Variants in WNT7B observed in about 807,000 individuals in gnomAD.
WNT7B encodes the protein protein Wnt-7b.
WNT7B carries 19 observed loss-of-function variants against 38.2 expected under a neutral mutation model. The ratio of observed to expected loss-of-function variants is 0.50; its 90% confidence interval spans 0.35 to 0.73. WNT7B has a LOEUF of 0.73. WNT7B is among the 30% of genes least tolerant of loss of function. The probability of loss-of-function intolerance (pLI) is 0.01; values close to 1 mark genes in which losing one functional copy is unlikely to be tolerated. For synonymous variants in WNT7B, 243 were observed against 209.3 expected, an observed-to-expected ratio of 1.16 and a Z score of -1.39; for missense variants, 423 against 507.9, an observed-to-expected ratio of 0.83 and a Z score of 1.61.
chr22:45,926,119 C>A, intron 3 of WNT7B: 1 of 985,416 alleles, frequency 1.0e-6, no homozygotes, highest in African/African-American at 1.7e-5. Flanking sequence ...GCTTGCAGAG[C>A]GAGGGGCCAC....
rs191557482 is a variant in WNT7B at position 45,975,860 on chromosome 22, C to T, written c.71+824G>A. The T allele has an allele frequency of 7.6e-6, 2 of 262,586 alleles. No homozygotes were observed. The highest frequency in any genetic ancestry group is 1.4e-5 in the Non-Finnish European group (2 of 141,242). 16.3% of individuals were successfully genotyped at this position (262,586 alleles called of 1,614,324 possible). A position where few individuals can be genotyped will look rare whatever the true frequency, so the allele number is the denominator to read the frequency against. On this transcript the variant is annotated intron_variant, in intron 1 of 3. Coordinates refer to ENST00000339464, the MANE Select transcript of WNT7B (RefSeq NM_058238.3). The surrounding 1 kb of genome is among the most constrained non-coding windows in gnomAD (Gnocchi z 6.6). ...CCTCTCCGTCACGCCGTTTCTCCAC[C>T]CCCACTTCGAGCGAAGCCGAGACAG...
intron 2 of WNT7B, among the ~76,000 whole-genome samples, chr22:45,937,690 C>T (rs1009988233): frequency 2.6e-5 from 4 of 152,242 alleles, no homozygotes; most frequent in Admixed American, 2.0e-4. Flanking sequence ...ATTCTCCTCC[C>T]GTACTTGCCC....
At chr22:45,930,927 G>C (rs998747450) in intron 3 of WNT7B, among the ~76,000 whole-genome samples, 171 bp downstream of exon 3, 1 of 152,248 alleles carries the variant, frequency 6.6e-6, no homozygotes, top group East Asian at 1.9e-4. Context: ...GCCTCCTCCC[G>C]GTGCTGGGAG....
intron 3 of WNT7B, chr22:45,925,379 G>T (rs1025162153): frequency 3.0e-6 from 3 of 985,268 alleles, no homozygotes; most frequent in Non-Finnish European, 3.6e-6. Context: ...AGACTTGAGG[G>T]AGGTGGGAGA....
At chr22:45,936,161 G>A (rs548301997) in intron 2 of WNT7B, 2 of 985,338 alleles carry the variant, frequency 2.0e-6, no homozygotes, top group South Asian at 4.7e-5. Context: ...AGGATTCACT[G>A]TTTCCAGTGC....
intron 2 of WNT7B, among the ~76,000 whole-genome samples, chr22:45,942,910 T>C (rs1188055072): frequency 6.6e-6 from 1 of 151,290 alleles, no homozygotes. Context: ...CGCGCGTGTG[T>C]GCAGTGTGCA....
At chr22:45,956,269 G>A (rs1261023857) in intron 1 of WNT7B, among the ~76,000 whole-genome samples, 1 of 152,218 alleles carries the variant, frequency 6.6e-6, no homozygotes, top group Admixed American at 6.5e-5. Flanking sequence ...CCATCTCAGA[G>A]CTGCTGGGAG....
chr22:45,929,587 T>G (rs1270290136), intron 3 of WNT7B, among the ~76,000 whole-genome samples: 1 of 137,752 alleles, frequency 7.3e-6, no homozygotes, highest in African/African-American at 2.7e-5. Context: ...CATACTTCCA[T>G]CCATTCATGC....
chr22:45,955,050 G>A (rs565452536), intron 1 of WNT7B, among the ~76,000 whole-genome samples: 2 of 152,382 alleles, frequency 1.3e-5, no homozygotes, highest in South Asian at 4.1e-4. Flanking sequence ...CAGGCACTGT[G>A]TCGGCTTTTC....
intron 1 of WNT7B, among the ~76,000 whole-genome samples, chr22:45,963,844 C>A (rs1569124317): frequency 2.0e-5 from 3 of 152,200 alleles, no homozygotes; most frequent in Admixed American, 1.3e-4. Context: ...AAGCAGGGGA[C>A]TCCCGCAACA....
Position 45,931,317 on chromosome 22 carries a change from G to A in WNT7B, c.351C>T (p.His117=), listed in dbSNP as rs147026697. The change falls in exon 3 of 4, where the codon CAC becomes CAT. Residue 117 remains histidine, a synonymous_variant. Transcript: ENST00000339464. ...TYAITAAGVA[H]AVTAACSQGN... is the part of the protein sequence containing the mutation. Reference sequence around the variant, plus strand: ...CTTGGCTGCAGGCAGCGGTGACGGCGTGCGCCACGCCAGCCGCGGTGATGG... The same window carrying A: ...CTTGGCTGCAGGCAGCGGTGACGGCATGCGCCACGCCAGCCGCGGTGATGG... 24 of 1,596,886 alleles carry A rather than the reference G, an allele frequency of 1.5e-5. No individual in the cohort carries two copies. The highest frequency in any genetic ancestry group is 1.2e-4 in the African/African-American group (9 of 74,892).
chr22:45,964,283 C>T (rs1932262519), intron 1 of WNT7B, among the ~76,000 whole-genome samples: 1 of 152,148 alleles, frequency 6.6e-6, no homozygotes, highest in African/African-American at 2.4e-5. Flanking sequence ...CCTGAACACC[C>T]TGAGGCTCAG....
intron 2 of WNT7B, among the ~76,000 whole-genome samples, chr22:45,932,692 C>T (rs1243478779): frequency 6.6e-6 from 1 of 152,228 alleles, no homozygotes; most frequent in Non-Finnish European, 1.5e-5. Flanking sequence ...GCGCCTGGTC[C>T]ATGTGGACAC....
chr22:45,929,476 CCATCTGTA>C (rs1461674083), intron 3 of WNT7B, among the ~76,000 whole-genome samples: 65 of 55,026 alleles, frequency 1.2e-3, no homozygotes, highest in African/African-American at 6.2e-3. Flanking sequence ...ACTTATCCTT[CCATCTGTA>C]CATCCACCCA....
chr22:45,929,426 A>C (rs1457944778), intron 3 of WNT7B, among the ~76,000 whole-genome samples: 1 of 148,488 alleles, frequency 6.7e-6, no homozygotes, highest in Non-Finnish European at 1.5e-5. Flanking sequence ...CCACTCATCC[A>C]TCCACCCACC....
At chr22:45,928,909 T>G (rs1931191035) in intron 3 of WNT7B, among the ~76,000 whole-genome samples, 1 of 152,196 alleles carries the variant, frequency 6.6e-6, no homozygotes, top group African/African-American at 2.4e-5. Context: ...ACCTGTGCTA[T>G]TCCCTCTGCC....
chr22:45,954,870 G>GGA, intron 1 of WNT7B: 1 of 609,468 alleles, frequency 1.6e-6, no homozygotes. Context: ...TGCTAGGTGA[G>GGA]TGGTGCCATC....
Position 45,922,716 on chromosome 22 carries a change from T to G in WNT7B, c.*140A>C. 7 of 1,355,454 alleles carry G rather than the reference T, an allele frequency of 5.2e-6. No individual in the cohort carries two copies. The highest frequency in any genetic ancestry group is 1.5e-5 in the African/African-American group (1 of 68,578). The allele number at this position is 1,355,454 out of a possible 1,614,324, so 84.0% of individuals were successfully genotyped here. On this transcript the variant is annotated 3_prime_UTR_variant, in exon 4 of 4. Coordinates refer to ENST00000339464, the MANE Select transcript of WNT7B (RefSeq NM_058238.3). ...GGCAGAGGGCGTGGGCCCCGGCCGG[T>G]GCCCTCCTGCACCTGGAGCTCCCCG... is the stretch of plus-strand genomic sequence containing the variant.
intron 1 of WNT7B, chr22:45,954,857 C>A: frequency 2.7e-6 from 2 of 728,832 alleles, no homozygotes; most frequent in Non-Finnish European, 3.4e-6. Context: ...TTAATCCTCA[C>A]CTTGCTAGGT....
Sources: allele counts gnomAD v4.1 joint callset (sites outside exome capture counted in the v4.1 genomes callset), GRCh38; gene constraint gnomAD v4.1.1; non-coding constraint Gnocchi (gnomAD v3.1); transcripts MANE v1.5; gene names NCBI Gene and HGNC (gene_info 2026-07-23, HGNC 2026-07-21).